CNTNAP2: variants seen among roughly 807,000 people sequenced by gnomAD.
CNTNAP2 encodes contactin associated protein 2.
A neutral mutation model predicts 155.2 loss-of-function variants in CNTNAP2; 98 were observed. That is an observed-to-expected ratio of 0.63 (90% CI 0.54 to 0.75). The LOEUF is 0.75. CNTNAP2 is among the 30% of genes least tolerant of loss of function. The pLI, the probability that CNTNAP2 is intolerant of heterozygous loss-of-function variation, is 0.00. For synonymous variants in CNTNAP2, 651 were observed against 631.2 expected, an observed-to-expected ratio of 1.03 and a Z score of -0.47; for missense variants, 1,727 against 1,688.1, an observed-to-expected ratio of 1.02 and a Z score of -0.40.
At chr7:146,947,585 ATATATATATATATG>A (rs1341264604) in intron 3 of CNTNAP2, among the ~76,000 whole-genome samples, 7 of 138,378 alleles carry the variant, frequency 5.1e-5, no homozygotes, top group Non-Finnish European at 1.1e-4. Flanking sequence ...ACATATATAT[ATATATATATATATG>A]TATATATCTT....
chr7:147,528,950 C>T (rs573815938), intron 11 of CNTNAP2, among the ~76,000 whole-genome samples: 4 of 152,232 alleles, frequency 2.6e-5, no homozygotes, highest in East Asian at 1.9e-4. Context: ...ATTAGATAAA[C>T]AAGAAAAGAG....
chr7:146,118,189 T>C (rs764594883), intron 1 of CNTNAP2, among the ~76,000 whole-genome samples: 1 of 152,162 alleles, frequency 6.6e-6, no homozygotes, highest in Non-Finnish European at 1.5e-5. Context: ...TATGAGCCAG[T>C]ATTACTGTTT....
At chr7:148,386,584 T>C (rs1799201420) in intron 22 of CNTNAP2, among the ~76,000 whole-genome samples, 1 of 152,146 alleles carries the variant, frequency 6.6e-6, no homozygotes, top group Non-Finnish European at 1.5e-5. Flanking sequence ...GATTTTCCTC[T>C]TTTAGGTGAA....
intron 21 of CNTNAP2, among the ~76,000 whole-genome samples, chr7:148,311,958 T>C (rs903514135): frequency 6.6e-6 from 1 of 152,104 alleles, no homozygotes; most frequent in Non-Finnish European, 1.5e-5. Flanking sequence ...ACAATGGTAA[T>C]TGTGGGAGAT....
In CNTNAP2 at chr7:147,108,628, G is replaced by A. The variant is rs544430158; in HGVS notation, c.754+278G>A. ...AAGCTCATTAAGTTCATGACCTAAC[G>A]GAGGAATCAGACCATATAGCATTTA... is the stretch of plus-strand genomic sequence containing the variant. On this transcript the variant is annotated intron_variant, in intron 5 of 23. Transcript: ENST00000361727. Among the ~76,000 whole-genome samples, 9 of 152,172 alleles carry A rather than the reference G, an allele frequency of 5.9e-5. No individual in the cohort carries two copies. The South Asian group carries it at 8.3e-4, about 14-fold the overall frequency.
At chr7:147,569,862 G>T (rs1460852796) in intron 12 of CNTNAP2, among the ~76,000 whole-genome samples, 1 of 152,216 alleles carries the variant, frequency 6.6e-6, no homozygotes. Context: ...CTGAGACCAA[G>T]GTGTCACCCA....
At chr7:146,161,625 C>T (rs1798223706) in intron 1 of CNTNAP2, among the ~76,000 whole-genome samples, 1 of 152,138 alleles carries the variant, frequency 6.6e-6, no homozygotes, top group South Asian at 2.1e-4. Flanking sequence ...CACCATCAAG[C>T]TACCAATGCC....
intron 17 of CNTNAP2, among the ~76,000 whole-genome samples, chr7:148,152,914 G>A (rs1426783098): frequency 6.6e-6 from 1 of 151,264 alleles, no homozygotes; most frequent in East Asian, 2.0e-4. Flanking sequence ...CCAGCTACTC[G>A]GGAGGCTGAG....
At chr7:148,169,483 GGAC>G (rs1199902136) in intron 17 of CNTNAP2, among the ~76,000 whole-genome samples, 5 of 152,038 alleles carry the variant, frequency 3.3e-5, no homozygotes, top group Admixed American at 6.5e-5. Context: ...AGGAAAAACT[GGAC>G]GACAAGTGTG....
chr7:147,600,145 T>C (rs1473038455), intron 12 of CNTNAP2, among the ~76,000 whole-genome samples: 1 of 152,214 alleles, frequency 6.6e-6, no homozygotes, highest in Admixed American at 6.5e-5. Flanking sequence ...GCGTGTTAAA[T>C]CCTCCTCTTT....
chr7:146,976,679 T>C (rs1797917884), intron 3 of CNTNAP2, among the ~76,000 whole-genome samples: 1 of 152,154 alleles, frequency 6.6e-6, no homozygotes, highest in Non-Finnish European at 1.5e-5. Flanking sequence ...CAGAAGCTCT[T>C]CGAACCCTGT....
At position 148,070,523 on chromosome 7, in the gene CNTNAP2, C is replaced by G. The variant is rs376801173; in HGVS notation, c.2384-47595C>G. ...CCTGAGGTCAGGAGTTTGAGACCAG[C>G]CTGGCCAATATGGCAAAACCCTGTT... On this transcript the variant is annotated intron_variant, in intron 15 of 23. Coordinates refer to ENST00000361727, the MANE Select transcript of CNTNAP2 (RefSeq NM_014141.6). Among the ~76,000 whole-genome samples, 31 of 152,280 alleles carry G rather than the reference C, an allele frequency of 2.0e-4. 3 individuals carry two copies. In the East Asian group the frequency reaches 3.1e-3, roughly 15 times the overall value.
chr7:147,463,155 AGT>A (rs1248483014), intron 10 of CNTNAP2, among the ~76,000 whole-genome samples: 6 of 152,176 alleles, frequency 3.9e-5, no homozygotes, highest in Admixed American at 3.3e-4. Context: ...AAAAGAAACA[AGT>A]GTGAAGAAGG....
chr7:147,380,904 C>G (rs1409747677), intron 9 of CNTNAP2, among the ~76,000 whole-genome samples: 2 of 152,002 alleles, frequency 1.3e-5, no homozygotes, highest in Non-Finnish European at 2.9e-5. Flanking sequence ...GAGCCATCCC[C>G]CATATGAAAG....
At chr7:147,206,368 C>T (rs937356438) in intron 8 of CNTNAP2, among the ~76,000 whole-genome samples, 4 of 151,660 alleles carry the variant, frequency 2.6e-5, no homozygotes, top group African/African-American at 9.7e-5. Context: ...AGTTCAAGAC[C>T]AGCCTGGGCA....
chr7:147,142,469 A>G (rs985951594), intron 8 of CNTNAP2, among the ~76,000 whole-genome samples: 9 of 152,132 alleles, frequency 5.9e-5, no homozygotes, highest in African/African-American at 2.2e-4. Context: ...TGCTGGATTC[A>G]GTTTGCCAGT....
chr7:146,205,657 A>G (rs191867018), intron 1 of CNTNAP2, among the ~76,000 whole-genome samples: 3 of 152,048 alleles, frequency 2.0e-5, no homozygotes, highest in Admixed American at 1.3e-4. Context: ...CAGACCAGAT[A>G]CTTTTCTCCC....
intron 21 of CNTNAP2, among the ~76,000 whole-genome samples, chr7:148,316,983 A>T (rs1336868245): frequency 6.6e-6 from 1 of 152,168 alleles, no homozygotes; most frequent in Non-Finnish European, 1.5e-5. Flanking sequence ...GGTCATTAAA[A>T]ACTCCATAGG....
At chr7:147,470,391 A>G (rs1798196322) in intron 10 of CNTNAP2, among the ~76,000 whole-genome samples, 1 of 150,646 alleles carries the variant, frequency 6.6e-6, no homozygotes, top group African/African-American at 2.4e-5. Flanking sequence ...GGTAGCTATG[A>G]TAGTGTCTTG....
Sources: gnomAD v4.1 joint callset for allele counts (sites outside exome capture counted in the v4.1 genomes callset) on GRCh38, gnomAD v4.1.1 for gene constraint, MANE v1.5 for transcripts, NCBI Gene and HGNC (gene_info 2026-07-23, HGNC 2026-07-21) for gene names.